The following IGSF21 variants were observed in gnomAD, a reference collection of about 807,000 sequenced individuals.
The protein encoded by IGSF21 is immunoglobulin superfamily member 21.
In IGSF21, 28 loss-of-function variants were observed where a neutral mutation model predicts 46.8. The ratio of observed to expected loss-of-function variants is 0.60; its 90% CI spans 0.44 to 0.82. The LOEUF is 0.82. IGSF21 is among the 40% of genes least tolerant of loss of function. The probability of loss-of-function intolerance (pLI) is 0.00; values close to 1 mark genes in which losing one functional copy is unlikely to be tolerated. For synonymous variants in IGSF21, 284 were observed against 273.6 expected, an observed-to-expected ratio of 1.04 and a Z score of -0.38; for missense variants, 624 against 665.5, an observed-to-expected ratio of 0.94 and a Z score of 0.69.
chr1:18,220,187 G>T (rs1024715470), intron 1 of IGSF21, among the ~76,000 whole-genome samples: 1 of 152,178 alleles, frequency 6.6e-6, no homozygotes, highest in Non-Finnish European at 1.5e-5. Flanking sequence ...CGTGCTGTCT[G>T]CTGACGCATG....
chr1:18,179,864 C>T (rs1271487974), intron 1 of IGSF21, among the ~76,000 whole-genome samples: 1 of 152,192 alleles, frequency 6.6e-6, no homozygotes, highest in Non-Finnish European at 1.5e-5. Flanking sequence ...GAATGAATAG[C>T]ACACTCTGCT....
chr1:18,269,507 G>A (rs1010827204), intron 2 of IGSF21, among the ~76,000 whole-genome samples: 4 of 152,160 alleles, frequency 2.6e-5, no homozygotes. Flanking sequence ...AGACTGAACA[G>A]AAGGTCTCTT....
At chr1:18,124,065 G>A (rs2124410368) in intron 1 of IGSF21, among the ~76,000 whole-genome samples, 1 of 152,294 alleles carries the variant, frequency 6.6e-6, no homozygotes, top group East Asian at 1.9e-4. Flanking sequence ...GCAGAGGTTG[G>A]TCTTTTGACA....
chr1:18,249,794 G>A (rs1347719921), intron 2 of IGSF21, among the ~76,000 whole-genome samples: 3 of 152,148 alleles, frequency 2.0e-5, no homozygotes, highest in African/African-American at 7.2e-5. Flanking sequence ...TTGTGGATGG[G>A]AAACCCACTG....
intron 1 of IGSF21, among the ~76,000 whole-genome samples, chr1:18,224,490 A>T (rs2124503240): frequency 6.6e-6 from 1 of 151,974 alleles, no homozygotes; most frequent in Middle Eastern, 3.4e-3. Flanking sequence ...TTTCCTCATT[A>T]TGTTTATCAC....
intron 1 of IGSF21, chr1:18,111,105 G>T (rs975787426): frequency 6.6e-6 from 1 of 152,392 alleles, no homozygotes; most frequent in Admixed American, 6.5e-5. Flanking sequence ...GTGCGCGCGC[G>T]AGCGGGTGTG....
At chr1:18,257,409 A>G (rs774941110) in intron 2 of IGSF21, among the ~76,000 whole-genome samples, 12 of 152,318 alleles carry the variant, frequency 7.9e-5, no homozygotes, top group South Asian at 4.2e-4. Flanking sequence ...CTCTTTATAT[A>G]TATAAATCAT....
chr1:18,373,896 T>A (rs995471770), intron 6 of IGSF21, among the ~76,000 whole-genome samples: 1 of 152,212 alleles, frequency 6.6e-6, no homozygotes, highest in African/African-American at 2.4e-5. Flanking sequence ...GTCTAGCGCA[T>A]GTTTGACACC....
chr1:18,347,052 G>T (rs112913561), intron 4 of IGSF21, among the ~76,000 whole-genome samples: 2 of 152,188 alleles, frequency 1.3e-5, no homozygotes, highest in African/African-American at 4.8e-5. Context: ...TTTGGGGCTC[G>T]GAGGAGCATT....
chr1:18,373,266 C>CT (rs1427576304), intron 6 of IGSF21, among the ~76,000 whole-genome samples: 1 of 152,228 alleles, frequency 6.6e-6, no homozygotes, highest in Non-Finnish European at 1.5e-5. Context: ...GACTCCTGCT[C>CT]TTTCTCTACG....
intron 1 of IGSF21, among the ~76,000 whole-genome samples, chr1:18,139,359 G>C (rs549301101): frequency 6.6e-6 from 1 of 152,026 alleles, no homozygotes. Context: ...AGCTGTCTAC[G>C]TCACACGATG....
chr1:18,272,291 G>C (rs1024413448), intron 2 of IGSF21, among the ~76,000 whole-genome samples: 7 of 141,508 alleles, frequency 4.9e-5, no homozygotes, highest in Admixed American at 7.0e-5. Flanking sequence ...TGAGAAGTAT[G>C]AGAGCTACAA....
chr1:18,275,043 C>CAAAAAAA (rs1553159784), intron 2 of IGSF21, among the ~76,000 whole-genome samples: 31 of 152,002 alleles, frequency 2.0e-4, no homozygotes, highest in African/African-American at 6.8e-4. Flanking sequence ...AACAAACAAA[C>CAAAAAAA]AAAAAAGAAG....
At chr1:18,232,464 A>G (rs2084637769) in intron 2 of IGSF21, among the ~76,000 whole-genome samples, 1 of 152,216 alleles carries the variant, frequency 6.6e-6, no homozygotes, top group Non-Finnish European at 1.5e-5. Context: ...AGTGCTTTAC[A>G]TACGTGATGA....
At chr1:18,130,646 T>G (rs2086310807) in intron 1 of IGSF21, among the ~76,000 whole-genome samples, 1 of 152,172 alleles carries the variant, frequency 6.6e-6, no homozygotes, top group Admixed American at 6.5e-5. Context: ...CTAGTGAGTG[T>G]CAGAGCCCGG....
intron 1 of IGSF21, among the ~76,000 whole-genome samples, chr1:18,168,193 A>T (rs1025477949): frequency 6.6e-6 from 1 of 152,020 alleles, no homozygotes; most frequent in African/African-American, 2.4e-5. Context: ...CCTCCTCGTC[A>T]CTCTGCTCAC....
intron 3 of IGSF21, among the ~76,000 whole-genome samples, chr1:18,299,593 A>C (rs2085342080): frequency 6.6e-6 from 1 of 152,154 alleles, no homozygotes; most frequent in Non-Finnish European, 1.5e-5. Context: ...CCACTCAGCA[A>C]ACACACGTTG....
intron 1 of IGSF21, among the ~76,000 whole-genome samples, chr1:18,146,196 A>T (rs1004249111): frequency 6.6e-6 from 1 of 152,214 alleles, no homozygotes; most frequent in Non-Finnish European, 1.5e-5. Context: ...ACTCTCCATT[A>T]GTTTCCGAAT....
chr1:18,183,497 C>G (rs1488877202), intron 1 of IGSF21, among the ~76,000 whole-genome samples: 2 of 152,194 alleles, frequency 1.3e-5, no homozygotes, highest in African/African-American at 4.8e-5. Flanking sequence ...AGGAGGAGGT[C>G]AGAGGTGAGC....
Sources: allele counts gnomAD v4.1 joint callset (sites outside exome capture counted in the v4.1 genomes callset), GRCh38; gene constraint gnomAD v4.1.1; transcripts MANE v1.5; gene names NCBI Gene and HGNC (gene_info 2026-07-23, HGNC 2026-07-21).